Variants in TPM4 observed in about 807,000 individuals in gnomAD.
The protein encoded by TPM4 is tropomyosin 4, also known as tropomyosin alpha-4 chain.
A neutral mutation model predicts 35.8 loss-of-function variants in TPM4; 17 were observed. The ratio of observed to expected loss-of-function variants is 0.47; its 90% CI spans 0.32 to 0.71. TPM4 has a LOEUF of 0.71. TPM4 is among the 30% of genes least tolerant of loss of function. The pLI is 0.03. For missense variants in TPM4, 240 were observed against 320.9 expected, an observed-to-expected ratio of 0.75 and a Z score of 1.93; for synonymous variants, 120 against 122.9, an observed-to-expected ratio of 0.98 and a Z score of 0.15.
intron 2 of TPM4, among the ~76,000 whole-genome samples, chr19:16,069,633 AGT>A (rs200238353): frequency 0.016 from 992 of 62,496 alleles, 11 homozygotes; most frequent in African/African-American, 0.055. Context: ...TGTGTGGGTG[AGT>A]GTGTGTTTCT....
chr19:16,090,587 C>T (rs1385706402), intron 5 of TPM4, among the ~76,000 whole-genome samples: 1 of 152,160 alleles, frequency 6.6e-6, no homozygotes, highest in African/African-American at 2.4e-5. Context: ...GCTTAAACAT[C>T]ACTTCTGAGA....
intron 3 of TPM4, 149 bp from the exon 4 acceptor site, chr19:16,087,877 TC>T: frequency 2.6e-6 from 2 of 759,980 alleles, no homozygotes; most frequent in African/African-American, 1.7e-5. Context: ...GGAGACTCCG[TC>T]CCCCTGCAAA....
At chr19:16,096,936 CTTTTTTTTTTTTTTTTTTTT>C (rs71178641) in intron 7 of TPM4, among the ~76,000 whole-genome samples, 95 of 69,054 alleles carry the variant, frequency 1.4e-3, no homozygotes, top group African/African-American at 2.1e-3. Context: ...CAAGGTCACT[CTTTTTTTTTTTTTTTTTTTT>C]TTTTTTTTTT....
upstream of TPM4, chr19:16,075,203 C>G (rs1451270413): frequency 6.6e-6 from 1 of 152,256 alleles, no homozygotes; most frequent in Non-Finnish European, 1.5e-5. Flanking sequence ...TGAGCCAACT[C>G]TAGACCGGTG....
intron 7 of TPM4, among the ~76,000 whole-genome samples, chr19:16,094,119 C>CT (rs1160971525): frequency 6.6e-6 from 1 of 151,896 alleles, no homozygotes; most frequent in African/African-American, 2.4e-5. Context: ...CGTGTGCCGC[C>CT]ACACCTGGCT....
At chr19:16,076,486 G>A, upstream of TPM4, 3 of 1,334,574 alleles carry the variant, frequency 2.2e-6, no homozygotes, top group South Asian at 1.9e-5. Context: ...GGGGGGCCGG[G>A]GCGCGGCTGT....
At chr19:16,096,619 A>ACT (rs1479439870) in intron 7 of TPM4, among the ~76,000 whole-genome samples, 1 of 151,644 alleles carries the variant, frequency 6.6e-6, no homozygotes, top group East Asian at 1.9e-4. Flanking sequence ...CCGTGGCTTT[A>ACT]CTCTTCACTG....
intron 5 of TPM4, among the ~76,000 whole-genome samples, chr19:16,092,215 T>C (rs528082090): frequency 6.7e-6 from 1 of 150,270 alleles, no homozygotes; most frequent in African/African-American, 2.4e-5. Context: ...TAATTTCTGA[T>C]GGGTCATCAT....
intron 7 of TPM4, among the ~76,000 whole-genome samples, chr19:16,096,936 C>CTTTT (rs71178641): frequency 0.038 from 2,652 of 68,890 alleles, 607 homozygotes; most frequent in Non-Finnish European, 0.051. Flanking sequence ...CAAGGTCACT[C>CTTTT]TTTTTTTTTT....
At chr19:16,090,190 A>C (rs958111953) in intron 5 of TPM4, among the ~76,000 whole-genome samples, 1 of 151,630 alleles carries the variant, frequency 6.6e-6, no homozygotes, top group Admixed American at 6.6e-5. Flanking sequence ...ATCATAGCTC[A>C]CTGCAGGCCC....
chr19:16,090,677 T>C (rs778095354), intron 5 of TPM4, among the ~76,000 whole-genome samples: 7 of 152,208 alleles, frequency 4.6e-5, no homozygotes, highest in Non-Finnish European at 1.0e-4. Flanking sequence ...CATTATGATT[T>C]CTTACATTTA....
chr19:16,081,866 G>C (rs759785142), intron 1 of TPM4, 47 bp from the exon 2 acceptor site: 1 of 1,529,558 alleles, frequency 6.5e-7, no homozygotes, highest in Non-Finnish European at 8.9e-7. Flanking sequence ...TCCCACTGGT[G>C]GCTGGCCTGA....
chr19:16,073,963 C>CAAAAAAAAA (rs34116610), upstream of TPM4, among the ~76,000 whole-genome samples: 2 of 71,886 alleles, frequency 2.8e-5, no homozygotes, highest in Admixed American at 2.2e-4. Context: ...AAAAAAAACG[C>CAAAAAAAAA]AAAAAAAAAA....
At position 16,067,835 on chromosome 19, in the gene TPM4, C is replaced by T. The variant is rs997835954; in HGVS notation, c.114+97C>T. ...CCCAGTTGGGGGTCGCAGACACCTGCGGGAGGATAGGAGGCTGATGCTTTG... is the reference window on the plus strand; with the variant it reads ...CCCAGTTGGGGGTCGCAGACACCTGTGGGAGGATAGGAGGCTGATGCTTTG... On this transcript the variant is annotated intron_variant, in intron 2 of 2. Coordinates refer to the TPM4 transcript ENST00000589897. The surrounding 1 kb of genome is among the most constrained non-coding windows in gnomAD (Gnocchi z 4.1). The T allele has an allele frequency of 3.6e-5, 41 of 1,130,724 alleles. No homozygotes were observed. Among genetic ancestry groups the T allele is most frequent in the Middle Eastern group, 2.0e-4 (1 of 5,004 alleles). The allele number at this position is 1,130,724 out of a possible 1,614,324, so 70.0% of individuals were successfully genotyped here.
At position 16,067,996 on chromosome 19, in the gene TPM4, G is replaced by A. The variant is rs141231552; in HGVS notation, c.114+258G>A. 2,065 of 492,728 alleles carry A rather than the reference G, an allele frequency of 4.2e-3. 6 individuals carry two copies. The highest frequency in any genetic ancestry group is 5.0e-3 in the Non-Finnish European group (1,391 of 277,854). The allele number at this position is 492,728 out of a possible 1,614,324, so 30.5% of individuals were successfully genotyped here. ...GACAGAGAGAGAGTTGGCGGGGGAG[G>A]GAGAGTGAGAACGTTCGTGAGCGAG... On this transcript the variant is annotated intron_variant, in intron 2 of 2. Coordinates refer to the TPM4 transcript ENST00000589897. The surrounding 1 kb of genome is among the most constrained non-coding windows in gnomAD (Gnocchi z 4.1).
intron 2 of TPM4, among the ~76,000 whole-genome samples, chr19:16,085,848 C>G (rs1290000334): frequency 6.6e-6 from 1 of 151,960 alleles, no homozygotes; most frequent in Non-Finnish European, 1.5e-5. Context: ...GCGGGCAGAT[C>G]ACTTGAGGTC....
At chr19:16,088,474 T>A in intron 4 of TPM4, 1 of 1,079,630 alleles carries the variant, frequency 9.3e-7, no homozygotes, top group South Asian at 2.9e-5. Context: ...ATGCTTTTGC[T>A]CCTGTCAGTG....
At chr19:16,076,844 T>C (rs1170774751) in intron 1 of TPM4, 147 bp downstream of exon 1, 4 of 1,243,358 alleles carry the variant, frequency 3.2e-6, no homozygotes, top group Middle Eastern at 3.1e-4. Context: ...CCCACATCCC[T>C]GCGCCCGCAG....
chr19:16,088,050 G>C lies in TPM4; in HGVS notation c.408G>C (p.Leu136=). ...AGGTAGCTCGTAAGCTGGTCATCCT[G>C]GAGGGTGAGCTGGAGAGGGCAGAGG... ...YEEVARKLVI[L]EGELERAEER... The change falls in exon 4 of 8, where the codon CTG becomes CTC. Residue 136 remains leucine (L), a synonymous_variant. Coordinates refer to ENST00000643579, the MANE Select transcript of TPM4 (RefSeq NM_003290.3). 1 of 1,612,552 alleles carries C rather than the reference G, an allele frequency of 6.2e-7. No individual in the cohort carries two copies. Among genetic ancestry groups the C allele is most frequent in the Non-Finnish European group, 8.5e-7 (1 of 1,179,592 alleles).
Sources: gnomAD v4.1 joint callset for allele counts (sites outside exome capture counted in the v4.1 genomes callset) on GRCh38, gnomAD v4.1.1 for gene constraint, Gnocchi (gnomAD v3.1) non-coding constraint, MANE v1.5 for transcripts, NCBI Gene and HGNC (gene_info 2026-07-23, HGNC 2026-07-21) for gene names.